Variants in GSR observed in about 807,000 individuals in gnomAD.
GSR encodes glutathione reductase, mitochondrial.
GSR carries 48 observed loss-of-function variants against 56.5 expected under a neutral mutation model. That is an observed-to-expected ratio of 0.85 (90% CI 0.67 to 1.08). The LOEUF is 1.08. Among genes scored for constraint, GSR ranks in the 50% least tolerant of loss-of-function variants. The pLI is 0.00. For missense variants in GSR, 694 were observed against 703.3 expected (o/e 0.99, Z 0.15); for synonymous variants, 264 against 270.8 (o/e 0.97, Z 0.25).
At chr8:30,681,890 GA>G in intron 11 of GSR, 39 bp downstream of exon 11, 1 of 1,601,158 alleles carries the variant, frequency 6.2e-7, no homozygotes, top group Non-Finnish European at 8.6e-7. Context: ...GGGGAAAGAG[GA>G]AGGAAACCAC....
At chr8:30,700,749 A>AAAAAAAAAAAAAAAC (rs1803709390) in intron 5 of GSR, among the ~76,000 whole-genome samples, 2 of 142,064 alleles carry the variant, frequency 1.4e-5, no homozygotes, top group Non-Finnish European at 3.0e-5. Flanking sequence ...AAAAAAAAAA[A>AAAAAAAAAAAAAAAC]ATCGACGTGG....
rs8190971 is a variant in GSR, at chr8:30,703,294, T to C, written c.493-54A>G. On this transcript the variant is annotated intron_variant, in intron 4 of 12. Coordinates refer to ENST00000221130, the MANE Select transcript of GSR (RefSeq NM_000637.5). ...TTCTTAGAATAAAAACAAAGACACC[T>C]ACTGCAACTTATCAGAACTTTCATT... is the stretch of plus-strand genomic sequence containing the variant. 5.6e-3 allele frequency: 8,194 copies of C among 1,453,918 alleles called. 54 individuals carry two copies. The highest frequency in any genetic ancestry group is 0.015 in the Middle Eastern group (86 of 5,804). The allele number at this position is 1,453,918 out of a possible 1,614,324, so 90.1% of individuals were successfully genotyped here.
At chr8:30,727,380 T>C in intron 1 of GSR, 150 bp downstream of exon 1, 1 of 772,388 alleles carries the variant, frequency 1.3e-6, no homozygotes, top group South Asian at 1.8e-5. Context: ...ACCTGCTGGG[T>C]TCCTGGCTTC....
At chr8:30,708,437 G>C (rs987454662) in intron 3 of GSR, among the ~76,000 whole-genome samples, 2 of 152,226 alleles carry the variant, frequency 1.3e-5, no homozygotes, top group African/African-American at 4.8e-5. Flanking sequence ...ACAGGACGTG[G>C]TGGGCACTTA....
intron 12 of GSR, among the ~76,000 whole-genome samples, chr8:30,680,097 G>A (rs570622359): frequency 5.3e-4 from 81 of 152,250 alleles, no homozygotes; most frequent in South Asian, 3.7e-3. Context: ...TTAGTCTTGA[G>A]AAGAATGACA....
chr8:30,717,475 T>C (rs1586067652), intron 1 of GSR, among the ~76,000 whole-genome samples: 1 of 152,138 alleles, frequency 6.6e-6, no homozygotes, highest in African/African-American at 2.4e-5. Flanking sequence ...GGCGGGCAAG[T>C]GAGCGAAGCT....
In GSR at chr8:30,707,995, T is replaced by A. The variant is rs1586057848; in HGVS notation, c.492+77A>T. ...ATAAAAATAAATAAATAAATAGGGC[T>A]ACAGTCTGGCAAGACTTAGCTGAGT... On this transcript the variant is annotated intron_variant, in intron 4 of 12. Coordinates refer to ENST00000221130, the MANE Select transcript of GSR (RefSeq NM_000637.5). The A allele has an allele frequency of 3.4e-6, 3 of 894,930 alleles. No individual in the cohort carries two copies. The East Asian group carries it at 7.2e-5, about 22-fold the overall frequency. The allele number at this position is 894,930 out of a possible 1,614,324, so 55.4% of individuals were successfully genotyped here. A position where few individuals can be genotyped will look rare whatever the true frequency, so the allele number is the denominator to read the frequency against.
rs746814859 is a variant in GSR at position 30,681,025 on chromosome 8, T to C, written c.1298A>G (p.His433Arg). 8 of 1,608,878 alleles carry C rather than the reference T, an allele frequency of 5.0e-6. No homozygotes were observed. Among genetic ancestry groups the C allele is most frequent in the Non-Finnish European group, 6.8e-6 (8 of 1,175,536 alleles). ...CTTCACATTTTCTATTCCATATTTA[T>C]GAATGGCTTCATCTACAATGCACAT... is the stretch of plus-strand genomic sequence containing the variant. ...TVGLTEDEAI[H>R]KYGIENVKTY... Residue 433 changes from histidine to arginine, a missense_variant, in exon 12 of 13, where the codon CAT (histidine) becomes CGT (arginine). Transcript: ENST00000221130.
At chr8:30,692,531 C>T (rs1190094978) in intron 8 of GSR, among the ~76,000 whole-genome samples, 7 of 117,722 alleles carry the variant, frequency 5.9e-5, no homozygotes, top group African/African-American at 2.3e-4. Flanking sequence ...GACGGAGTCT[C>T]GCTCTTGTCG....
Position 30,689,172 on chromosome 8 carries a change from A to C in GSR, c.1030T>G (p.Leu344Val). 1.9e-6 allele frequency: 3 copies of C among 1,614,110 alleles called. No homozygotes were observed. The highest frequency in any genetic ancestry group is 2.5e-6 in the Non-Finnish European group (3 of 1,179,974). ...GRVPNTKDLS[L>V]NKLGIQTDDK... ...CCAAGCCAGCTTACCAGTTTGTTTA[A>C]ACTCAGGTCCTTGGTATTCGGGACC... is the stretch of plus-strand genomic sequence containing the variant. Residue 344 changes from leucine to valine, a missense_variant, in exon 9 of 13, where the codon TTA (leucine) becomes GTA (valine). By Grantham distance (32) the Leu-to-Val change is conservative (BLOSUM62 1). Coordinates refer to ENST00000221130, the MANE Select transcript of GSR (RefSeq NM_000637.5).
intron 1 of GSR, among the ~76,000 whole-genome samples, chr8:30,719,794 G>A (rs1804466815): frequency 1.3e-5 from 2 of 151,992 alleles, no homozygotes; most frequent in Admixed American, 6.6e-5. Flanking sequence ...TTTTTCCTAG[G>A]GCCTGCCTCG....
At chr8:30,704,032 T>C (rs1803839495) in intron 4 of GSR, among the ~76,000 whole-genome samples, 1 of 152,028 alleles carries the variant, frequency 6.6e-6, no homozygotes. Flanking sequence ...CATTACAGAA[T>C]GGTGTGTCTG....
chr8:30,705,269 ATTTT>A (rs397732260), intron 4 of GSR, among the ~76,000 whole-genome samples: 4 of 147,192 alleles, frequency 2.7e-5, no homozygotes, highest in Admixed American at 2.0e-4. Flanking sequence ...CTACAAAAAA[ATTTT>A]TTTTTTTGAG....
chr8:30,716,806 C>A (rs190021810), intron 1 of GSR, among the ~76,000 whole-genome samples: 271 of 151,944 alleles, frequency 1.8e-3, no homozygotes, highest in African/African-American at 6.4e-3. Context: ...GACCCTATCT[C>A]AAAAAATACA....
At position 30,727,799 on chromosome 8, in the gene GSR, C is replaced by T. The variant is rs965432358; in HGVS notation, c.37G>A (p.Gly13Arg). The change falls in exon 1 of 13, where the codon GGA (glycine) becomes AGA (arginine). Residue 13 changes from glycine to arginine, a missense_variant. Transcript: ENST00000221130. ...LLPRALSAGA[G>R]PSWRRAARAF... ...CGCGCCGCCCGCCGCCAGCTCGGTC[C>T]CGCGCCGGCGCTCAGGGCTCGGGGC... 2 of 1,317,094 alleles carry T rather than the reference C, an allele frequency of 1.5e-6. No individual in the cohort carries two copies. Among genetic ancestry groups the T allele is most frequent in the African/African-American group, 1.5e-5 (1 of 64,604 alleles). The allele number at this position is 1,317,094 out of a possible 1,614,324, so 81.6% of individuals were successfully genotyped here.
At chr8:30,706,439 G>A (rs1246180534) in intron 4 of GSR, among the ~76,000 whole-genome samples, 5 of 152,102 alleles carry the variant, frequency 3.3e-5, no homozygotes, top group African/African-American at 1.2e-4. Flanking sequence ...GGAGGCAGAG[G>A]TCGCAGTGAG....
intron 4 of GSR, among the ~76,000 whole-genome samples, chr8:30,706,039 A>C (rs1228244528): frequency 1.3e-5 from 2 of 152,004 alleles, no homozygotes; most frequent in East Asian, 3.9e-4. Context: ...AGCCAGGTGT[A>C]GTGGCTGATG....
chr8:30,722,596 T>C (rs572412013), intron 1 of GSR, among the ~76,000 whole-genome samples: 2 of 151,966 alleles, frequency 1.3e-5, no homozygotes, highest in East Asian at 3.9e-4. Flanking sequence ...GGCATGGTGG[T>C]GGCCATGTGC....
At chr8:30,719,631 T>A (rs969563375) in intron 1 of GSR, among the ~76,000 whole-genome samples, 3 of 152,128 alleles carry the variant, frequency 2.0e-5, no homozygotes, top group African/African-American at 7.2e-5. Flanking sequence ...TCCAAACCGA[T>A]GATCCATTCC....
Sources: gnomAD v4.1 joint callset for allele counts (sites outside exome capture counted in the v4.1 genomes callset) on GRCh38, gnomAD v4.1.1 for gene constraint, MANE v1.5 for transcripts, NCBI Gene and HGNC (gene_info 2026-07-23, HGNC 2026-07-21) for gene names.